The following CYP2C19 variants were observed in gnomAD, a reference collection of about 807,000 sequenced individuals.
CYP2C19 encodes cytochrome P450 family 2 subfamily C member 19, also known as cytochrome P450 2C19.
CYP2C19 carries 59 observed loss-of-function variants against 40.9 expected under a neutral mutation model. The ratio of observed to expected loss-of-function variants is 1.44; its 90% CI spans 1.17 to 1.79. CYP2C19 has a LOEUF of 1.79. Ranked by LOEUF, CYP2C19 falls within the 40% of genes most tolerant of loss-of-function variation. The pLI, the probability that CYP2C19 is intolerant of heterozygous loss-of-function variation, is 0.00. For synonymous variants in CYP2C19, 253 were observed against 208.7 expected (o/e 1.21, Z -1.83); for missense variants, 754 against 596.9 (o/e 1.26, Z -2.74).
rs114369144 is a variant in CYP2C19 at position 94,821,478 on chromosome 10, A to C, written c.961+841A>C. Among the ~76,000 whole-genome samples, 677 of 152,332 alleles carry C rather than the reference A, an allele frequency of 4.4e-3. 7 individuals are homozygous for C. Among genetic ancestry groups the C allele is most frequent in the African/African-American group, 0.015 (631 of 41,570 alleles). ...ATAAGTATTCTAAAAAGTTAGATTC[A>C]TGAGAAAGTTGATTCTGTTTACTAA... On this transcript the variant is annotated intron_variant, in intron 6 of 8. Coordinates refer to ENST00000371321, the MANE Select transcript of CYP2C19 (RefSeq NM_000769.4).
intron 5 of CYP2C19, among the ~76,000 whole-genome samples, chr10:94,793,788 G>A (rs555974354): frequency 2.6e-5 from 4 of 152,266 alleles, no homozygotes; most frequent in East Asian, 1.9e-4. Flanking sequence ...GTGTCTCCCA[G>A]TTAGGCTACT....
chr10:94,828,597 T>G (rs887288472), intron 6 of CYP2C19, among the ~76,000 whole-genome samples: 4 of 149,398 alleles, frequency 2.7e-5, no homozygotes, highest in Non-Finnish European at 5.9e-5. Flanking sequence ...AGCACACTGA[T>G]GGGTCTTGAC....
chr10:94,828,667 A>T (rs1849272726), intron 6 of CYP2C19, among the ~76,000 whole-genome samples: 1 of 150,260 alleles, frequency 6.7e-6, no homozygotes, highest in Non-Finnish European at 1.5e-5. Flanking sequence ...ATTTACATTT[A>T]AAGTTAATAT....
intron 1 of CYP2C19, among the ~76,000 whole-genome samples, chr10:94,765,935 T>C (rs1040216679): frequency 1.3e-5 from 2 of 152,204 alleles, no homozygotes; most frequent in Admixed American, 1.3e-4. Flanking sequence ...TAAGATGGTA[T>C]TTGTAGTTAC....
chr10:94,848,543 A>C (rs1401430059), intron 7 of CYP2C19, among the ~76,000 whole-genome samples: 1 of 152,120 alleles, frequency 6.6e-6, no homozygotes, highest in Non-Finnish European at 1.5e-5. Flanking sequence ...TTGGCTTAGG[A>C]TTGACTTGGC....
At chr10:94,777,140 G>C (rs1848418652) in intron 3 of CYP2C19, among the ~76,000 whole-genome samples, 1 of 151,906 alleles carries the variant, frequency 6.6e-6, no homozygotes, top group South Asian at 2.1e-4. Flanking sequence ...CACTGCTCAG[G>C]GAATTAAGAG....
At position 94,855,078 on chromosome 10, in the gene CYP2C19, C is replaced by T. The variant is rs1245347005; in HGVS notation, c.*2164C>T. On this transcript the variant is annotated 3_prime_UTR_variant, in exon 9 of 9. Coordinates refer to ENST00000371321, the MANE Select transcript of CYP2C19 (RefSeq NM_000769.4). ...TGCCTATTTCAGCTCCTAAAGGCTGCCTGCATTCCTTGGCTCATGAACTCC... is the reference window on the plus strand; with the variant it reads ...TGCCTATTTCAGCTCCTAAAGGCTGTCTGCATTCCTTGGCTCATGAACTCC... 2.0e-5 allele frequency among the ~76,000 whole-genome samples: 3 copies of T among 152,186 alleles called. No individual in the cohort carries two copies. The highest frequency in any genetic ancestry group is 2.1e-4 in the South Asian group (1 of 4,822).
At chr10:94,795,508 G>A (rs1045083215) in intron 5 of CYP2C19, among the ~76,000 whole-genome samples, 2 of 151,964 alleles carry the variant, frequency 1.3e-5, no homozygotes, top group East Asian at 3.9e-4. Context: ...TAATCTTTTG[G>A]GTATTTACCC....
chr10:94,767,766 G>C (rs1012979634), intron 1 of CYP2C19, among the ~76,000 whole-genome samples: 1 of 152,174 alleles, frequency 6.6e-6, no homozygotes, highest in Non-Finnish European at 1.5e-5. Context: ...CTGGCTTCAG[G>C]TATAAGTACC....
At chr10:94,851,898 G>A (rs1330025218) in intron 8 of CYP2C19, among the ~76,000 whole-genome samples, 2 of 152,136 alleles carry the variant, frequency 1.3e-5, no homozygotes, top group African/African-American at 2.4e-5. Flanking sequence ...ATTTTTCAAT[G>A]GAAGCATGAA....
At chr10:94,820,756 G>C in intron 6 of CYP2C19, 119 bp downstream of exon 6, 5 of 1,265,248 alleles carry the variant, frequency 4.0e-6, no homozygotes, top group Non-Finnish European at 5.6e-6. Flanking sequence ...TGTGCCCGCA[G>C]CTGTAATCTG....
rs149590953 is a variant in CYP2C19 at position 94,775,452 on chromosome 10, C to T, written c.394C>T (p.Arg132Trp). 2.2e-4 allele frequency: 355 copies of T among 1,613,950 alleles called. 1 individual carries two copies. In the Admixed American group the frequency reaches 2.7e-3, roughly 12 times the overall value. ...EIRRFSLMTL[R>W]NFGMGKRSIE... ...CCGGCGTTTCTCCCTCATGACGCTG[C>T]GGAATTTTGGGATGGGGAAGAGGAG... is the stretch of plus-strand genomic sequence containing the variant. The change falls in exon 3 of 9, where the codon CGG becomes TGG. Residue 132 changes from arginine to tryptophan, a missense_variant. Physicochemically the swap from Arg to Trp is moderately radical, Grantham distance 101. Transcript: ENST00000371321.
In CYP2C19 at chr10:94,852,909, G is replaced by T; in HGVS notation, c.1468G>T (p.Val490Phe). 6.2e-7 allele frequency: 1 copy of T among 1,613,780 alleles called. No homozygotes were observed. Among genetic ancestry groups the T allele is most frequent in the Non-Finnish European group, 8.5e-7 (1 of 1,179,864 alleles). ...PPFYQLCFIPV is the reference protein window; with the variant it reads ...PPFYQLCFIPF ...CTTCTATCAGCTGTGCTTCATTCCT[G>T]TCTGAAGAAGCACAGATGGTCTGGC... Residue 490 changes from valine to phenylalanine, a missense_variant, in exon 9 of 9, where the codon GTC becomes TTC. Coordinates refer to ENST00000371321, the MANE Select transcript of CYP2C19 (RefSeq NM_000769.4).
intron 5 of CYP2C19, among the ~76,000 whole-genome samples, chr10:94,807,148 T>C (rs992880794): frequency 1.3e-5 from 2 of 152,174 alleles, no homozygotes; most frequent in South Asian, 2.1e-4. Context: ...TATTTATCTT[T>C]CCATGCCAGG....
At chr10:94,818,885 C>G (rs1389466041) in intron 5 of CYP2C19, among the ~76,000 whole-genome samples, 1 of 152,100 alleles carries the variant, frequency 6.6e-6, no homozygotes, top group Admixed American at 6.6e-5. Flanking sequence ...CCTTTATTTC[C>G]TTCTCCTGCC....
At chr10:94,844,295 T>A (rs1849540553) in intron 7 of CYP2C19, among the ~76,000 whole-genome samples, 1 of 152,216 alleles carries the variant, frequency 6.6e-6, no homozygotes, top group African/African-American at 2.4e-5. Flanking sequence ...CAAAGAAAGA[T>A]TCATTCCTCT....
chr10:94,818,330 T>G (rs1849045864), intron 5 of CYP2C19, among the ~76,000 whole-genome samples: 1 of 151,274 alleles, frequency 6.6e-6, no homozygotes, highest in Admixed American at 6.6e-5. Flanking sequence ...GTGTGATGCC[T>G]CCAGCTTTGT....
Position 94,781,985 on chromosome 10 carries a change from C to A in CYP2C19, c.807C>A (p.Ile269=). 6.5e-7 allele frequency: 1 copy of A among 1,534,666 alleles called. No individual in the cohort carries two copies. The highest frequency in any genetic ancestry group is 1.3e-5 in the South Asian group (1 of 74,668). ...GGGACTTTATTGATTGCTTCCTGAT[C>A]AAAATGGAGAAGGTAAAATGTTAAC... ...NPRDFIDCFL[I]KMEKEKQNQQ... Residue 269 remains isoleucine (I), a synonymous_variant, in exon 5 of 9, where the codon ATC becomes ATA. Transcript: ENST00000371321.
At chr10:94,790,174 T>A (rs1848587893) in intron 5 of CYP2C19, among the ~76,000 whole-genome samples, 1 of 152,202 alleles carries the variant, frequency 6.6e-6, no homozygotes, top group Admixed American at 6.5e-5. Flanking sequence ...GGAATGCTTA[T>A]GATTTTTGCA....
Sources: allele counts gnomAD v4.1 joint callset (sites outside exome capture counted in the v4.1 genomes callset), GRCh38; gene constraint gnomAD v4.1.1; transcripts MANE v1.5; gene names NCBI Gene and HGNC (gene_info 2026-07-23, HGNC 2026-07-21).